Variants in SEH1L observed in about 807,000 individuals in gnomAD.
SEH1L encodes the protein nucleoporin SEH1.
SEH1L carries 18 observed loss-of-function variants against 49.5 expected under a neutral mutation model. The ratio of observed to expected loss-of-function variants is 0.36; its 90% CI spans 0.25 to 0.54. The LOEUF is 0.54. Ranked by LOEUF, SEH1L falls within the 20% of genes least tolerant of loss-of-function variation. SEH1L has a pLI of 0.87. For synonymous variants in SEH1L, 169 were observed against 178.1 expected (o/e 0.95, Z 0.41); for missense variants, 404 against 528.8 (o/e 0.76, Z 2.31).
At chr18:12,949,239 G>A (rs1051599577) in intron 1 of SEH1L, among the ~76,000 whole-genome samples, 2 of 151,928 alleles carry the variant, frequency 1.3e-5, no homozygotes, top group African/African-American at 4.8e-5. Context: ...CAGGATGAAT[G>A]AAAGCTGGAG....
intron 1 of SEH1L, among the ~76,000 whole-genome samples, chr18:12,950,476 A>C (rs550199131): frequency 5.7e-4 from 86 of 152,202 alleles, no homozygotes; most frequent in Non-Finnish European, 1.1e-3. Context: ...TAATGTGTTA[A>C]TATTTATTGA....
chr18:12,969,686 CA>C (rs201098722), intron 4 of SEH1L, among the ~76,000 whole-genome samples: 11,840 of 98,024 alleles, frequency 0.12, 658 homozygotes, highest in East Asian at 0.31. Flanking sequence ...GACTCCATCT[CA>C]AAAAAAAAAA....
chr18:12,952,218 C>G (rs75903576), intron 2 of SEH1L, among the ~76,000 whole-genome samples: 2,653 of 149,292 alleles, frequency 0.018, 79 homozygotes, highest in East Asian at 0.13. Flanking sequence ...AACCTTTACT[C>G]AAGTAGAAAT....
chr18:12,951,681 G>A (rs1410240947), intron 1 of SEH1L, among the ~76,000 whole-genome samples, 174 bp from the exon 2 acceptor site: 1 of 152,194 alleles, frequency 6.6e-6, no homozygotes, highest in South Asian at 2.1e-4. Flanking sequence ...ATGAGCCATC[G>A]CACCCAGCCT....
At chr18:12,965,030 T>TC (rs1273385376) in intron 4 of SEH1L, among the ~76,000 whole-genome samples, 1 of 146,002 alleles carries the variant, frequency 6.8e-6, no homozygotes, top group Non-Finnish European at 1.5e-5. Flanking sequence ...TTTTTTTTTT[T>TC]TGAGGTGGAG....
chr18:12,963,689 A>G (rs975749791), intron 4 of SEH1L, among the ~76,000 whole-genome samples: 4 of 152,248 alleles, frequency 2.6e-5, no homozygotes, highest in African/African-American at 9.6e-5. Context: ...AACACCAGAT[A>G]TTGAAACCCA....
chr18:12,985,973 GA>G, intron 8 of SEH1L: 1 of 895,782 alleles, frequency 1.1e-6, no homozygotes, highest in Non-Finnish European at 1.3e-6. Flanking sequence ...AGTCACTAAA[GA>G]GATAAATGTT....
At chr18:12,970,467 C>T (rs8089189) in intron 4 of SEH1L, among the ~76,000 whole-genome samples, 32,531 of 152,108 alleles carry the variant, frequency 0.21, 3,964 homozygotes, top group East Asian at 0.41. Context: ...GTTGCCCAGG[C>T]TAGAGTGCAG....
chr18:12,975,303 T>C (rs2031872624), intron 5 of SEH1L, among the ~76,000 whole-genome samples: 1 of 151,946 alleles, frequency 6.6e-6, no homozygotes, highest in African/African-American at 2.4e-5. Context: ...CCTTAATTAA[T>C]TACAATATAT....
intron 6 of SEH1L, among the ~76,000 whole-genome samples, chr18:12,980,070 C>G (rs1215605141): frequency 6.6e-4 from 53 of 80,752 alleles, no homozygotes; most frequent in Admixed American, 1.6e-3. Context: ...GGGCGGCTGG[C>G]CGGGCGGGGG....
intron 6 of SEH1L, among the ~76,000 whole-genome samples, chr18:12,979,275 CG>C (rs2032062045): frequency 6.7e-6 from 1 of 149,752 alleles, no homozygotes; most frequent in South Asian, 2.1e-4. Context: ...TGACTCTTAA[CG>C]AGCATGCTGC....
intron 4 of SEH1L, among the ~76,000 whole-genome samples, chr18:12,967,140 T>C (rs145661782): frequency 6.6e-6 from 1 of 152,254 alleles, no homozygotes; most frequent in Admixed American, 6.5e-5. Flanking sequence ...AAAGTTGCCA[T>C]GAACACTGAA....
At chr18:12,981,985 G>A (rs774788193) in intron 6 of SEH1L, among the ~76,000 whole-genome samples, 3 of 150,052 alleles carry the variant, frequency 2.0e-5, no homozygotes, top group Admixed American at 6.7e-5. Flanking sequence ...TCAGCCTCCT[G>A]AGTAGCTGGG....
Position 12,980,893 on chromosome 18 carries a change from C to T in SEH1L, c.762-1625C>T, listed in dbSNP as rs1208732112. 4.4e-4 allele frequency among the ~76,000 whole-genome samples: 64 copies of T among 146,684 alleles called. 1 individual carries two copies. The highest frequency in any genetic ancestry group is 2.7e-3 in the Admixed American group (40 of 14,980). ...GGGCTGACCCCCCCCACCTCCCTTC[C>T]GGACGGGGCGGCTGGCCGGGCGGGG... On this transcript the variant is annotated intron_variant, in intron 6 of 8. Coordinates refer to ENST00000399892, the MANE Select transcript of SEH1L (RefSeq NM_001013437.2).
chr18:12,976,605 C>T (rs1485965525), intron 5 of SEH1L: 1 of 152,126 alleles, frequency 6.6e-6, no homozygotes, highest in African/African-American at 2.4e-5. Flanking sequence ...GAATCTATCC[C>T]CTGAATTGCA....
chr18:12,949,128 A>G (rs1308661620), intron 1 of SEH1L, among the ~76,000 whole-genome samples: 3 of 151,730 alleles, frequency 2.0e-5, no homozygotes, highest in East Asian at 2.0e-4. Flanking sequence ...CGGCCTCCCA[A>G]AGTGCTGGGA....
At chr18:12,948,391 C>T (rs1035135551) in intron 1 of SEH1L, 159 bp downstream of exon 1, 4 of 548,632 alleles carry the variant, frequency 7.3e-6, no homozygotes, top group African/African-American at 2.0e-5. Flanking sequence ...CCCTCCCCGC[C>T]CGCGTATTGT....
In SEH1L at chr18:12,963,377, T is replaced by C. The variant is rs1337254730; in HGVS notation, c.521+6T>C. On this transcript the variant is annotated splice_donor_region_variant and intron_variant, in intron 4 of 8. Coordinates refer to ENST00000399892, the MANE Select transcript of SEH1L (RefSeq NM_001013437.2). Reference sequence around the variant, plus strand: ...ATTTCTTGGAACCCTTCAAGGTAAGTTTACATATTAAACCTCTGATAACAT... The same window carrying C: ...ATTTCTTGGAACCCTTCAAGGTAAGCTTACATATTAAACCTCTGATAACAT... 6.2e-7 allele frequency: 1 copy of C among 1,605,224 alleles called. No individual in the cohort carries two copies. Among genetic ancestry groups the C allele is most frequent in the Non-Finnish European group, 8.5e-7 (1 of 1,172,050 alleles).
chr18:12,980,930 A>C (rs1598979651), intron 6 of SEH1L, among the ~76,000 whole-genome samples: 2 of 130,568 alleles, frequency 1.5e-5, no homozygotes, highest in African/African-American at 3.0e-5. Flanking sequence ...GCTGACCCCC[A>C]CCTCCCTCCC....
Sources: gnomAD v4.1 joint callset for allele counts (sites outside exome capture counted in the v4.1 genomes callset) on GRCh38, gnomAD v4.1.1 for gene constraint, MANE v1.5 for transcripts, NCBI Gene and HGNC (gene_info 2026-07-23, HGNC 2026-07-21) for gene names.